Variants in IPMK observed in about 807,000 individuals in gnomAD.
IPMK encodes the protein inositol 1,3,4,6-tetrakisphosphate 5-kinase.
In IPMK, 17 loss-of-function variants were observed where a neutral mutation model predicts 45.8. The ratio of observed to expected loss-of-function variants is 0.37; its 90% CI spans 0.25 to 0.56. The LOEUF (loss-of-function observed/expected upper bound fraction) is 0.56. IPMK is among the 20% of genes least tolerant of loss of function. The pLI is 0.79. For missense variants in IPMK, 399 were observed against 498.0 expected, an observed-to-expected ratio of 0.80 and a Z score of 1.89; for synonymous variants, 180 against 184.3, an observed-to-expected ratio of 0.98 and a Z score of 0.19.
At chr10:58,199,140 T>G in intron 5 of IPMK, 100 bp downstream of exon 5, 1 of 661,598 alleles carries the variant, frequency 1.5e-6, no homozygotes, top group Non-Finnish European at 2.5e-6. Context: ...AAATGTTTAT[T>G]ATGAATCAAA....
chr10:58,230,812 G>A (rs1838503786), intron 2 of IPMK, among the ~76,000 whole-genome samples: 1 of 152,192 alleles, frequency 6.6e-6, no homozygotes, highest in Non-Finnish European at 1.5e-5. Context: ...GAACAAAGCT[G>A]GACAGAGAAT....
Position 58,248,587 on chromosome 10 carries a change from AAT to A in IPMK, c.191-10775_191-10774del, listed in dbSNP as rs375326162. On this transcript the variant is annotated intron_variant, in intron 1 of 5. Coordinates refer to ENST00000373935, the MANE Select transcript of IPMK (RefSeq NM_152230.5). ...AAATATTCTCTTCTAGCTATTTTGA[AAT>A]ATACATTTTTGTGAACTATAATCAC... Among the ~76,000 whole-genome samples the A allele has an allele frequency of 2.5e-3, 381 of 152,252 alleles. 3 individuals are homozygous for A. The highest frequency in any genetic ancestry group is 8.7e-3 in the African/African-American group (363 of 41,536).
In IPMK at chr10:58,211,919, A is replaced by AAAAAATAAAAAAT. The variant is rs1554823051; in HGVS notation, c.546+4225_546+4226insATTTTTTATTTTT. 2.4e-3 allele frequency among the ~76,000 whole-genome samples: 357 copies of AAAAAATAAAAAAT among 148,250 alleles called. 7 individuals are homozygous for AAAAAATAAAAAAT. The highest frequency in any genetic ancestry group is 8.8e-3 in the African/African-American group (338 of 38,260). ...ATCTCACCAAAAAAAAAAAAAAAAA[A>AAAAAATAAAAAAT]AAAAAATTTGTTTTCATTGTTGTGG... is the stretch of plus-strand genomic sequence containing the variant. On this transcript the variant is annotated intron_variant, in intron 4 of 5. Coordinates refer to ENST00000373935, the MANE Select transcript of IPMK (RefSeq NM_152230.5).
chr10:58,248,080 G>A (rs763245940), intron 1 of IPMK, among the ~76,000 whole-genome samples: 18 of 152,040 alleles, frequency 1.2e-4, no homozygotes, highest in Non-Finnish European at 2.1e-4. Context: ...GTGAAAAATC[G>A]GGGAAAAGTG....
intron 1 of IPMK, among the ~76,000 whole-genome samples, chr10:58,242,169 G>A (rs1028166394): frequency 1.3e-5 from 2 of 151,946 alleles, no homozygotes; most frequent in African/African-American, 2.4e-5. Flanking sequence ...ATCAGACAGG[G>A]GAACTTAACC....
At chr10:58,263,406 C>G (rs1304956269) in intron 1 of IPMK, among the ~76,000 whole-genome samples, 4 of 152,008 alleles carry the variant, frequency 2.6e-5, no homozygotes, top group African/African-American at 9.7e-5. Context: ...CTCCTGTAAT[C>G]CTAGCTACTT....
rs1214300675 is a variant in IPMK, at chr10:58,193,944, A to G, written c.*2132T>C. ...ATTGGATAACAATGATAACAAATGT[A>G]AACAAACAGAATTAAATGTTAATCC... On this transcript the variant is annotated 3_prime_UTR_variant, in exon 6 of 6. Coordinates refer to ENST00000373935, the MANE Select transcript of IPMK (RefSeq NM_152230.5). 1 of 151,930 alleles carries G rather than the reference A, an allele frequency of 6.6e-6. No homozygotes were observed. The highest frequency in any genetic ancestry group is 1.5e-5 in the Non-Finnish European group (1 of 67,778). The allele number at this position is 151,930 out of a possible 1,614,324, so 9.4% of individuals were successfully genotyped here.
chr10:58,229,580 A>AAAAAAAG (rs1838477826), intron 2 of IPMK, among the ~76,000 whole-genome samples: 1 of 150,732 alleles, frequency 6.6e-6, no homozygotes, highest in Admixed American at 6.6e-5. Flanking sequence ...AAAAAAAAAA[A>AAAAAAAG]GTAATCTAAA....
At position 58,237,807 on chromosome 10, in the gene IPMK, C is replaced by A. The variant is rs578206963; in HGVS notation, c.198G>T (p.Leu66=). The part of the protein sequence containing the change: ...HMYGKDKVGI[L]QHPDGTVLKQ... The stretch of plus-strand genomic sequence containing the variant: ...TCAAAACTGTGCCATCTGGATGTTG[C>A]AGTATACCTATGGAACAAAAATCAG... The change falls in exon 2 of 6, where the codon CTG becomes CTT. Residue 66 remains leucine (L), a synonymous_variant. Transcript: ENST00000373935. The A allele has an allele frequency of 5.3e-4, 853 of 1,612,772 alleles. 10 individuals are homozygous for A. The South Asian group carries it at 8.7e-3, about 16-fold the overall frequency.
chr10:58,247,070 G>T (rs928266068), intron 1 of IPMK, among the ~76,000 whole-genome samples: 1 of 150,696 alleles, frequency 6.6e-6, no homozygotes, highest in African/African-American at 2.5e-5. Flanking sequence ...ACCATCACTG[G>T]CCATCAGAGA....
At chr10:58,231,765 T>C (rs1273073987) in intron 2 of IPMK, among the ~76,000 whole-genome samples, 1 of 152,150 alleles carries the variant, frequency 6.6e-6, no homozygotes, top group Non-Finnish European at 1.5e-5. Context: ...AAAAACTGCA[T>C]CAATTAATGG....
At chr10:58,216,384 A>G (rs1218616220) in intron 3 of IPMK, 67 bp from the exon 4 acceptor site, 2 of 679,958 alleles carry the variant, frequency 2.9e-6, no homozygotes, top group East Asian at 6.6e-5. Flanking sequence ...CTTGCCAGGG[A>G]AAAACAAGAT....
intron 3 of IPMK, among the ~76,000 whole-genome samples, chr10:58,218,570 A>T (rs1588957476): frequency 1.3e-5 from 2 of 152,338 alleles, no homozygotes; most frequent in South Asian, 4.1e-4. Flanking sequence ...GCATTCAAAA[A>T]TTTATTATCA....
intron 4 of IPMK, among the ~76,000 whole-genome samples, chr10:58,206,070 G>A (rs1234085610): frequency 6.6e-6 from 1 of 152,064 alleles, no homozygotes; most frequent in East Asian, 1.9e-4. Context: ...ATGAATGAAT[G>A]GATAAACAAA....
At chr10:58,244,912 C>T (rs573786642) in intron 1 of IPMK, among the ~76,000 whole-genome samples, 7 of 152,114 alleles carry the variant, frequency 4.6e-5, no homozygotes, top group East Asian at 1.9e-4. Context: ...GGCCAAAGGC[C>T]GCAGGGACCT....
chr10:58,237,116 T>TC (rs1176126821), intron 2 of IPMK, among the ~76,000 whole-genome samples: 4 of 152,130 alleles, frequency 2.6e-5, no homozygotes, highest in African/African-American at 9.7e-5. Context: ...CTATGTATCG[T>TC]CCCTTTCCCA....
intron 3 of IPMK, among the ~76,000 whole-genome samples, chr10:58,226,444 TCC>T (rs1348486578): frequency 6.6e-6 from 1 of 152,202 alleles, no homozygotes; most frequent in Non-Finnish European, 1.5e-5. Context: ...TGAAGCCCTT[TCC>T]CCTCAATTCA....
At chr10:58,218,901 A>G (rs1838288845) in intron 3 of IPMK, among the ~76,000 whole-genome samples, 1 of 152,224 alleles carries the variant, frequency 6.6e-6, no homozygotes, top group South Asian at 2.1e-4. Flanking sequence ...TGCTGAATGA[A>G]TGTTTGCCCT....
At chr10:58,215,355 T>C (rs1838228014) in intron 4 of IPMK, among the ~76,000 whole-genome samples, 1 of 151,716 alleles carries the variant, frequency 6.6e-6, no homozygotes, top group Admixed American at 6.6e-5. Context: ...AAACAACTGT[T>C]TTAACCCCAA....
Sources: gnomAD v4.1 joint callset for allele counts (sites outside exome capture counted in the v4.1 genomes callset) on GRCh38, gnomAD v4.1.1 for gene constraint, MANE v1.5 for transcripts, NCBI Gene and HGNC (gene_info 2026-07-23, HGNC 2026-07-21) for gene names.